BCO2: variants seen among roughly 807,000 people sequenced by gnomAD.
The protein encoded by BCO2 is beta-carotene oxygenase 2.
BCO2 carries 56 observed loss-of-function variants against 65.8 expected under a neutral mutation model. The observed-to-expected ratio is 0.85, with a 90% CI of 0.69 to 1.06. BCO2 has a LOEUF of 1.06. Ranked by LOEUF, BCO2 falls within the 50% of genes least tolerant of loss-of-function variation. The probability of loss-of-function intolerance (pLI) is 0.00; values close to 1 mark genes in which losing one functional copy is unlikely to be tolerated. For synonymous variants in BCO2, 233 were observed against 242.3 expected, an observed-to-expected ratio of 0.96 and a Z score of 0.36; for missense variants, 675 against 698.5, an observed-to-expected ratio of 0.97 and a Z score of 0.38.
chr11:112,194,813 T>G, intron 5 of BCO2, 58 bp downstream of exon 5: 5 of 1,204,448 alleles, frequency 4.2e-6, no homozygotes, highest in Non-Finnish European at 4.9e-6. Flanking sequence ...GGTGTGTATA[T>G]AAAGATGAAT....
chr11:112,214,814 G>A lies in BCO2; in HGVS notation c.1385G>A (p.Gly462Asp), dbSNP rs139612323. The A allele has an allele frequency of 2.3e-3, 3,665 of 1,613,784 alleles. 12 individuals carry two copies. Among genetic ancestry groups the A allele is most frequent in the Middle Eastern group, 9.1e-3 (55 of 6,062 alleles). The change falls in exon 10 of 12, where the codon GGC (glycine) becomes GAC (aspartate). Residue 462 changes from glycine to aspartate, a missense_variant. Transcript: ENST00000357685. ...CAGGAGGACCTAGAAAAGGAAGGAG[G>A]CATTGAATTTCCTCAGATCTACTAT... is the stretch of plus-strand genomic sequence containing the variant. ...LHQEDLEKEG[G>D]IEFPQIYYDR...
chr11:112,214,036 A>T (rs377478511), intron 9 of BCO2, among the ~76,000 whole-genome samples, 175 bp downstream of exon 9: 1 of 152,282 alleles, frequency 6.6e-6, no homozygotes, highest in East Asian at 1.9e-4. Context: ...GAATGAACAC[A>T]GTGTTTATCT....
At chr11:112,194,192 T>C in intron 4 of BCO2, 198 bp downstream of exon 4, 2 of 532,658 alleles carry the variant, frequency 3.8e-6, no homozygotes, top group South Asian at 4.5e-5. Context: ...AATTCTAAAC[T>C]CCTTCCTTAG....
chr11:112,194,883 C>T (rs930001812), intron 5 of BCO2, 128 bp downstream of exon 5: 6 of 577,128 alleles, frequency 1.0e-5, no homozygotes, highest in East Asian at 3.1e-5. Flanking sequence ...CACCTCTACA[C>T]CCAGCTCTCT....
At chr11:112,200,377 A>T (rs1867694685) in intron 6 of BCO2, 1 of 358,350 alleles carries the variant, frequency 2.8e-6, no homozygotes, top group African/African-American at 2.1e-5. Context: ...GGAAAAAAAG[A>T]TAAAAAGCAA....
chr11:112,214,700 C>CCTA, intron 9 of BCO2, 62 bp from the exon 10 acceptor site: 1 of 1,418,794 alleles, frequency 7.0e-7, no homozygotes, highest in Non-Finnish European at 9.8e-7. Flanking sequence ...TCCTCACTGA[C>CCTA]CTACATAAGA....
At position 112,218,403 on chromosome 11, in the gene BCO2, C is replaced by A; in HGVS notation, c.*529C>A. 5.6e-6 allele frequency: 1 copy of A among 178,514 alleles called. No homozygotes were observed. The highest frequency in any genetic ancestry group is 1.2e-5 in the Non-Finnish European group (1 of 80,860). 11.1% of individuals were successfully genotyped at this position (178,514 alleles called of 1,614,324 possible). On this transcript the variant is annotated 3_prime_UTR_variant, in exon 12 of 12. Coordinates refer to ENST00000357685, the MANE Select transcript of BCO2 (RefSeq NM_031938.7). ...TATAAGAGGTGCGGAAGACTGCCCT[C>A]ACTCATCATGGCCTAGCATGTGCAA...
At chr11:112,195,027 ATCTTG>A (rs1300009135) in intron 5 of BCO2, among the ~76,000 whole-genome samples, 1 of 143,718 alleles carries the variant, frequency 7.0e-6, no homozygotes, top group Non-Finnish European at 1.6e-5. Flanking sequence ...TATCTATCTT[ATCTTG>A]ATCATTAAAA....
At chr11:112,190,019 CT>C (rs1426095671) in intron 2 of BCO2, among the ~76,000 whole-genome samples, 2 of 152,176 alleles carry the variant, frequency 1.3e-5, no homozygotes, top group Non-Finnish European at 2.9e-5. Flanking sequence ...AATATCGTGG[CT>C]GACACCTGTA....
intron 8 of BCO2, among the ~76,000 whole-genome samples, chr11:112,209,785 C>T (rs757020682): frequency 1.3e-5 from 2 of 151,998 alleles, no homozygotes; most frequent in African/African-American, 2.4e-5. Context: ...GTTAAGCTAC[C>T]CTTCCATTCC....
intron 8 of BCO2, chr11:112,208,548 G>C (rs1052115503): frequency 5.7e-6 from 1 of 174,632 alleles, no homozygotes; most frequent in East Asian, 1.8e-4. Flanking sequence ...GAAGCATGCT[G>C]TGGCTGTAGA....
rs1224345946 is a variant in BCO2 at position 112,176,525 on chromosome 11, G to T, written c.88+836G>T. The T allele has an allele frequency of 1.5e-5, 2 of 130,238 alleles. 1 individual carries two copies. The highest frequency in any genetic ancestry group is 3.3e-5 in the Non-Finnish European group (2 of 61,264). 8.1% of individuals were successfully genotyped at this position (130,238 alleles called of 1,614,324 possible). A position where few individuals can be genotyped will look rare whatever the true frequency, so the allele number is the denominator to read the frequency against. Reference sequence around the variant, plus strand: ...TGAAGAAAATTGATTGGCGGGGGGGGGGGAATTAAACATTCTATTTTGACA... The same window carrying T: ...TGAAGAAAATTGATTGGCGGGGGGGTGGGAATTAAACATTCTATTTTGACA... On this transcript the variant is annotated intron_variant, in intron 1 of 11. Transcript: ENST00000357685.
Position 112,202,018 on chromosome 11 carries a change from T to C in BCO2, c.1027-5T>C. Reference sequence around the variant, plus strand: ...TTTTTTCATTGTTTGTGTTTTCCCCTGCAGCTCCTTCCAGGGAGATACTAC... The same window carrying C: ...TTTTTTCATTGTTTGTGTTTTCCCCCGCAGCTCCTTCCAGGGAGATACTAC... On this transcript the variant is annotated splice_region_variant and splice_polypyrimidine_tract_variant and intron_variant, in intron 7 of 11. Coordinates refer to ENST00000357685, the MANE Select transcript of BCO2 (RefSeq NM_031938.7). The C allele has an allele frequency of 6.4e-7, 1 of 1,566,888 alleles. No homozygotes were observed. The highest frequency in any genetic ancestry group is 1.4e-5 in the African/African-American group (1 of 72,168).
Position 112,179,608 on chromosome 11 carries a change from G to A in BCO2, c.293+126G>A, listed in dbSNP as rs563903491. On this transcript the variant is annotated intron_variant, in intron 2 of 11. Coordinates refer to ENST00000357685, the MANE Select transcript of BCO2 (RefSeq NM_031938.7). The stretch of plus-strand genomic sequence containing the variant: ...TTCCATCCCTTTGATTACAGATAAA[G>A]AAACTGTAGCCTAGAGGAGAAGAAA... 2.4e-3 allele frequency: 2,026 copies of A among 861,620 alleles called. 2 individuals are homozygous for A. The highest frequency in any genetic ancestry group is 3.2e-3 in the Non-Finnish European group (1,796 of 554,810). The allele number at this position is 861,620 out of a possible 1,614,324, so 53.4% of individuals were successfully genotyped here.
In BCO2 at chr11:112,194,644, A is replaced by C; in HGVS notation, c.634-9A>C. ...CCATTAAAAATCTCCAGTGGTCTCA[A>C]ATTTGCAGGTAGATTGGAGCAAATT... On this transcript the variant is annotated splice_polypyrimidine_tract_variant and intron_variant, in intron 4 of 11. Transcript: ENST00000357685. 6.3e-7 allele frequency: 1 copy of C among 1,580,830 alleles called. No homozygotes were observed.
intron 10 of BCO2, 182 bp from the exon 11 acceptor site, chr11:112,216,038 C>T (rs988275644): frequency 1.7e-6 from 1 of 589,478 alleles, no homozygotes; most frequent in Non-Finnish European, 3.0e-6. Flanking sequence ...TGGCCCCCAT[C>T]ACCCAGCACT....
chr11:112,195,949 C>T lies in BCO2; in HGVS notation c.736+1194C>T, dbSNP rs144896255. Among the ~76,000 whole-genome samples the T allele has an allele frequency of 2.0e-3, 307 of 152,232 alleles. 1 individual carries two copies. Among genetic ancestry groups the T allele is most frequent in the African/African-American group, 7.1e-3 (296 of 41,548 alleles). On this transcript the variant is annotated intron_variant, in intron 5 of 11. Coordinates refer to ENST00000357685, the MANE Select transcript of BCO2 (RefSeq NM_031938.7). Reference sequence around the variant, plus strand: ...GGTGCAAGTGGTCCCTGGATCTCACCGATTAACCCAGCCACCCATCATGAG... The same window carrying T: ...GGTGCAAGTGGTCCCTGGATCTCACTGATTAACCCAGCCACCCATCATGAG...
intron 2 of BCO2, among the ~76,000 whole-genome samples, chr11:112,184,051 A>G (rs1867132273): frequency 6.6e-6 from 1 of 152,234 alleles, no homozygotes; most frequent in Admixed American, 6.5e-5. Flanking sequence ...ATAGGAAGAT[A>G]CTTCAAAACC....
At chr11:112,199,190 T>C (rs572533931) in intron 5 of BCO2, among the ~76,000 whole-genome samples, 31 of 152,302 alleles carry the variant, frequency 2.0e-4, no homozygotes, top group Middle Eastern at 6.8e-3. Context: ...CTCCCACTTA[T>C]GAGTGAGAAC....
Sources: allele counts gnomAD v4.1 joint callset (sites outside exome capture counted in the v4.1 genomes callset), GRCh38; gene constraint gnomAD v4.1.1; transcripts MANE v1.5; gene names NCBI Gene and HGNC (gene_info 2026-07-23, HGNC 2026-07-21).